ROBO2: variants seen among roughly 807,000 people sequenced by gnomAD.
ROBO2 encodes roundabout homolog 2.
In ROBO2, 53 loss-of-function variants were observed where a neutral mutation model predicts 160.8. The observed-to-expected ratio is 0.33, with a 90% CI of 0.26 to 0.41. The LOEUF (loss-of-function observed/expected upper bound fraction) is 0.41, where lower values mean the gene tolerates loss of function less well. ROBO2 is among the 10% of genes least tolerant of loss of function. The probability of loss-of-function intolerance (pLI) is 1.00; values close to 1 mark genes in which losing one functional copy is unlikely to be tolerated. For synonymous variants in ROBO2, 664 were observed against 611.7 expected (o/e 1.09, Z -1.26); for missense variants, 1,577 against 1,722.4 (o/e 0.92, Z 1.49).
At chr3:76,722,479 C>T (rs2107733009) in intron 2 of ROBO2, among the ~76,000 whole-genome samples, 1 of 152,204 alleles carries the variant, frequency 6.6e-6, no homozygotes. Flanking sequence ...ATAAAGTCCA[C>T]CAGCTTAAAG....
intron 20 of ROBO2, among the ~76,000 whole-genome samples, chr3:77,605,033 G>A (rs1396838626): frequency 2.0e-5 from 3 of 151,580 alleles, no homozygotes; most frequent in Non-Finnish European, 4.4e-5. Context: ...AAGCATGGTG[G>A]CACTCGACTG....
At chr3:75,919,952 G>A (rs1487070595) in intron 1 of ROBO2, among the ~76,000 whole-genome samples, 8 of 151,706 alleles carry the variant, frequency 5.3e-5, no homozygotes, top group Admixed American at 1.3e-4. Flanking sequence ...TCTGGCTACC[G>A]GTCTATCTAT....
intron 1 of ROBO2, among the ~76,000 whole-genome samples, chr3:77,096,633 A>G (rs561981057): frequency 1.3e-5 from 2 of 151,900 alleles, no homozygotes; most frequent in Admixed American, 1.3e-4. Flanking sequence ...CATTTTTAGT[A>G]GATATGAGGT....
At chr3:75,952,684 T>C (rs747736733) in intron 2 of ROBO2, among the ~76,000 whole-genome samples, 2 of 152,014 alleles carry the variant, frequency 1.3e-5, no homozygotes, top group Non-Finnish European at 2.9e-5. Context: ...CCTTGTCTTA[T>C]GCATTCTATA....
At chr3:76,566,902 G>A (rs1399666666) in intron 2 of ROBO2, among the ~76,000 whole-genome samples, 2 of 152,122 alleles carry the variant, frequency 1.3e-5, no homozygotes, top group Admixed American at 6.5e-5. Flanking sequence ...ATTTCACTGT[G>A]GCACACAGAG....
intron 2 of ROBO2, among the ~76,000 whole-genome samples, chr3:76,455,704 G>C (rs1190333053): frequency 6.6e-6 from 1 of 152,026 alleles, no homozygotes; most frequent in Non-Finnish European, 1.5e-5. Flanking sequence ...TACTTTTCAT[G>C]CACATTCCTT....
chr3:76,038,531 T>C (rs2067185208), intron 2 of ROBO2, among the ~76,000 whole-genome samples: 1 of 151,928 alleles, frequency 6.6e-6, no homozygotes, highest in Non-Finnish European at 1.5e-5. Context: ...GAAGGCACAG[T>C]CTACCCGTTC....
intron 2 of ROBO2, among the ~76,000 whole-genome samples, chr3:77,471,164 C>T (rs2083311379): frequency 6.6e-6 from 1 of 152,134 alleles, no homozygotes; most frequent in African/African-American, 2.4e-5. Flanking sequence ...GTTATACAGT[C>T]TCACTTCATT....
At chr3:76,770,992 A>G (rs1328423979) in intron 2 of ROBO2, among the ~76,000 whole-genome samples, 1 of 151,298 alleles carries the variant, frequency 6.6e-6, no homozygotes, top group African/African-American at 2.4e-5. Context: ...AGAGGGAAAT[A>G]TACTAAATTT....
chr3:76,436,913 C>G (rs950779643), intron 2 of ROBO2, among the ~76,000 whole-genome samples: 1 of 152,156 alleles, frequency 6.6e-6, no homozygotes, highest in African/African-American at 2.4e-5. Flanking sequence ...TTTTAAACTG[C>G]AAGGCCAATT....
At chr3:77,151,789 C>T (rs1392382710) in intron 2 of ROBO2, among the ~76,000 whole-genome samples, 1 of 152,162 alleles carries the variant, frequency 6.6e-6, no homozygotes, top group Non-Finnish European at 1.5e-5. Context: ...TTGCAAATGG[C>T]ATATTTAGAT....
At chr3:76,910,636 G>C (rs1326935906) in intron 2 of ROBO2, among the ~76,000 whole-genome samples, 1 of 144,800 alleles carries the variant, frequency 6.9e-6, no homozygotes, top group East Asian at 2.1e-4. Flanking sequence ...TGAGGCAGGA[G>C]AATCGCTTGA....
chr3:76,785,038 G>A (rs2062883208), intron 2 of ROBO2, among the ~76,000 whole-genome samples: 1 of 151,022 alleles, frequency 6.6e-6, no homozygotes. Flanking sequence ...TCTTATTTGT[G>A]GTTTGTTTCT....
chr3:77,198,131 G>A (rs17820687), intron 2 of ROBO2, among the ~76,000 whole-genome samples: 29,781 of 152,012 alleles, frequency 0.2, 3,360 homozygotes, highest in Middle Eastern at 0.31. Context: ...CGATTACTAC[G>A]GGCACAGTTT....
intron 2 of ROBO2, among the ~76,000 whole-genome samples, chr3:77,451,588 A>G (rs1347787370): frequency 2.0e-5 from 3 of 152,084 alleles, no homozygotes; most frequent in Admixed American, 2.0e-4. Flanking sequence ...AAGTGAATAA[A>G]TGAGAAGATA....
chr3:76,650,753 T>G (rs2091218511), intron 2 of ROBO2, among the ~76,000 whole-genome samples: 1 of 152,184 alleles, frequency 6.6e-6, no homozygotes, highest in African/African-American at 2.4e-5. Flanking sequence ...AAATAATCCC[T>G]GAAATGCAAG....
intron 2 of ROBO2, among the ~76,000 whole-genome samples, chr3:77,024,655 T>C (rs1559860618): frequency 1.3e-5 from 2 of 152,288 alleles, no homozygotes; most frequent in East Asian, 3.9e-4. Flanking sequence ...AGTTGGAGAT[T>C]TGGAGACTCT....
At chr3:77,261,349 C>T (rs1343580346) in intron 2 of ROBO2, among the ~76,000 whole-genome samples, 1 of 152,136 alleles carries the variant, frequency 6.6e-6, no homozygotes, top group South Asian at 2.1e-4. Flanking sequence ...GGGTGATATT[C>T]TCTCCAAAGA....
At chr3:76,616,996 T>G (rs995875055) in intron 2 of ROBO2, among the ~76,000 whole-genome samples, 2 of 152,116 alleles carry the variant, frequency 1.3e-5, no homozygotes, top group African/African-American at 4.8e-5. Context: ...CTACTCAGTC[T>G]CCAGTCTCCA....
Sources: gnomAD v4.1 joint callset for allele counts (sites outside exome capture counted in the v4.1 genomes callset) on GRCh38, gnomAD v4.1.1 for gene constraint, MANE v1.5 for transcripts, NCBI Gene and HGNC (gene_info 2026-07-23, HGNC 2026-07-21) for gene names.